Variants in CCDC6 observed in about 807,000 individuals in gnomAD.
CCDC6 encodes the protein coiled-coil domain-containing protein 6.
In CCDC6, 20 loss-of-function variants were observed where a neutral mutation model predicts 56.6. The observed-to-expected ratio is 0.35, with a 90% CI of 0.25 to 0.51. The LOEUF is 0.51. CCDC6 is among the 20% of genes least tolerant of loss of function. The pLI, the probability that CCDC6 is intolerant of heterozygous loss-of-function variation, is 0.95. For synonymous variants in CCDC6, 241 were observed against 234.4 expected (o/e 1.03, Z -0.26); for missense variants, 367 against 601.1 (o/e 0.61, Z 4.07).
chr10:59,792,864 T>A lies in CCDC6; in HGVS notation c.*53A>T. 6.4e-7 allele frequency: 1 copy of A among 1,569,576 alleles called. No homozygotes were observed. ...AGAGAAGGAAGCCTTTGGCGTTGAG[T>A]AGACGGCTCCATTGGATGAGTCCCA... is the stretch of plus-strand genomic sequence containing the variant. On this transcript the variant is annotated 3_prime_UTR_variant, in exon 9 of 9. Coordinates refer to ENST00000263102, the MANE Select transcript of CCDC6 (RefSeq NM_005436.5).
intron 2 of CCDC6, among the ~76,000 whole-genome samples, chr10:59,838,498 G>A (rs576073406): frequency 7.2e-5 from 11 of 152,158 alleles, no homozygotes; most frequent in South Asian, 2.1e-4. Flanking sequence ...AGCTTCCCAC[G>A]CCTTCCTCAT....
intron 7 of CCDC6, among the ~76,000 whole-genome samples, chr10:59,800,459 C>T (rs541187919): frequency 6.6e-6 from 1 of 152,314 alleles, no homozygotes; most frequent in South Asian, 2.1e-4. Context: ...TGCAATCCAT[C>T]CAAATTGTTC....
chr10:59,848,091 G>A (rs1286807181), intron 2 of CCDC6, among the ~76,000 whole-genome samples: 5 of 152,066 alleles, frequency 3.3e-5, no homozygotes, highest in Admixed American at 2.0e-4. Context: ...GTGCCCGTGT[G>A]CCCTGCGATA....
chr10:59,893,615 AATACATACATACATACATAC>A (rs67669225), intron 1 of CCDC6, among the ~76,000 whole-genome samples: 2,638 of 148,632 alleles, frequency 0.018, 33 homozygotes, highest in Middle Eastern at 0.045. Flanking sequence ...CAAACAAACA[AATACATACATACATACATAC>A]ATACATACAT....
chr10:59,866,014 C>A (rs1294276843), intron 1 of CCDC6, among the ~76,000 whole-genome samples: 3 of 152,116 alleles, frequency 2.0e-5, no homozygotes, highest in Admixed American at 2.0e-4. Flanking sequence ...AGTTTATCTT[C>A]CATCTGCCTC....
chr10:59,905,317 C>A (rs528366086), intron 1 of CCDC6, among the ~76,000 whole-genome samples: 1 of 152,294 alleles, frequency 6.6e-6, no homozygotes, highest in African/African-American at 2.4e-5. Context: ...GAACAGATGG[C>A]CTGTTCTCCA....
intron 1 of CCDC6, among the ~76,000 whole-genome samples, chr10:59,867,689 G>T (rs1490239041): frequency 6.6e-6 from 1 of 152,104 alleles, no homozygotes; most frequent in Non-Finnish European, 1.5e-5. Context: ...GAGTAGCTGG[G>T]ACTACAGGTG....
chr10:59,905,796 C>A (rs1015817231), intron 1 of CCDC6, among the ~76,000 whole-genome samples: 2 of 152,194 alleles, frequency 1.3e-5, no homozygotes, highest in African/African-American at 4.8e-5. Context: ...AAAAGTCCTA[C>A]CCCGCCCCCC....
At position 59,852,643 on chromosome 10, in the gene CCDC6, C is replaced by T; in HGVS notation, c.363G>A (p.Gln121=). The T allele has an allele frequency of 6.2e-7, 1 of 1,604,872 alleles. No homozygotes were observed. Residue 121 remains glutamine (Q), a synonymous_variant, in exon 2 of 9, where the codon CAG becomes CAA. Coordinates refer to ENST00000263102, the MANE Select transcript of CCDC6 (RefSeq NM_005436.5). ...FISNTLFKKI[Q]ALQKEKETLA... is the part of the protein sequence containing the mutation. ...GGGTTTCTTTCTCCTTCTGCAAAGC[C>T]TGAATTTTCTTGAATAAAGTGTTAC...
chr10:59,812,822 A>G, intron 4 of CCDC6, 27 bp from the exon 5 acceptor site: 1 of 1,556,218 alleles, frequency 6.4e-7, no homozygotes. Context: ...AATTCCAACA[A>G]TGACTAACAG....
At chr10:59,831,181 C>T (rs1310464511) in intron 3 of CCDC6, among the ~76,000 whole-genome samples, 2 of 152,238 alleles carry the variant, frequency 1.3e-5, no homozygotes, top group East Asian at 1.9e-4. Flanking sequence ...TTAACTTAGA[C>T]ACTGAATTTA....
chr10:59,880,750 C>T (rs1252125955), intron 1 of CCDC6, among the ~76,000 whole-genome samples: 1 of 152,228 alleles, frequency 6.6e-6, no homozygotes, highest in African/African-American at 2.4e-5. Flanking sequence ...CTATTTAGGC[C>T]AGTTCCTTAA....
rs375858303 is a variant in CCDC6 at position 59,828,668 on chromosome 10, T to G, written c.582+3857A>C. 3.0e-4 allele frequency among the ~76,000 whole-genome samples: 46 copies of G among 152,254 alleles called. No individual in the cohort carries two copies. The East Asian group carries it at 6.2e-3, about 20-fold the overall frequency. On this transcript the variant is annotated intron_variant, in intron 3 of 8. Transcript: ENST00000263102. ...TCCCAATCTCTCTCCGGATTTCCATTTCTGAAAAGGGAGCATGAGCAAGCT... is the reference window on the plus strand; with the variant it reads ...TCCCAATCTCTCTCCGGATTTCCATGTCTGAAAAGGGAGCATGAGCAAGCT...
In CCDC6 at chr10:59,791,227, C is replaced by T. The variant is rs987454099; in HGVS notation, c.*1690G>A. On this transcript the variant is annotated 3_prime_UTR_variant, in exon 9 of 9. Transcript: ENST00000263102. ...ACATTATAAATAAAATTTATATAGA[C>T]CTACAGTTTCTTCCAAACAATTGAG... The T allele has an allele frequency of 5.1e-6, 1 of 196,924 alleles. No homozygotes were observed. The highest frequency in any genetic ancestry group is 1.1e-5 in the Non-Finnish European group (1 of 95,090). 12.2% of individuals were successfully genotyped at this position (196,924 alleles called of 1,614,324 possible).
intron 2 of CCDC6, among the ~76,000 whole-genome samples, chr10:59,838,479 C>A (rs780807760): frequency 6.6e-6 from 1 of 152,164 alleles, no homozygotes; most frequent in African/African-American, 2.4e-5. Flanking sequence ...ATGATCCAAT[C>A]CCTATGCAAG....
intron 1 of CCDC6, among the ~76,000 whole-genome samples, chr10:59,885,920 C>CAT (rs2071380148): frequency 6.1e-5 from 1 of 16,300 alleles, no homozygotes; most frequent in Admixed American, 1.3e-3. Flanking sequence ...ACCCCGCCCC[C>CAT]CGCCCCCCCA....
At chr10:59,849,160 AAG>A (rs1338521710) in intron 2 of CCDC6, among the ~76,000 whole-genome samples, 1 of 152,344 alleles carries the variant, frequency 6.6e-6, no homozygotes, top group African/African-American at 2.4e-5. Context: ...TACCAAAAGT[AAG>A]AGAGTTCTTT....
chr10:59,832,410 G>T, intron 3 of CCDC6, 115 bp downstream of exon 3: 1 of 884,942 alleles, frequency 1.1e-6, no homozygotes, highest in South Asian at 1.8e-5. Flanking sequence ...CTCCACAGTG[G>T]GGAGAGAAAG....
chr10:59,893,562 C>T (rs932308418), intron 1 of CCDC6, among the ~76,000 whole-genome samples: 1 of 152,058 alleles, frequency 6.6e-6, no homozygotes, highest in Non-Finnish European at 1.5e-5. Flanking sequence ...GCCAAGATCA[C>T]CCCACTGCAC....
Sources: gnomAD v4.1 joint callset for allele counts (sites outside exome capture counted in the v4.1 genomes callset) on GRCh38, gnomAD v4.1.1 for gene constraint, MANE v1.5 for transcripts, NCBI Gene and HGNC (gene_info 2026-07-23, HGNC 2026-07-21) for gene names.